Variants in CA10 observed in about 807,000 individuals in gnomAD.
CA10 encodes the protein carbonic anhydrase-related protein 10.
A neutral mutation model predicts 44.2 loss-of-function variants in CA10; 14 were observed. The observed-to-expected ratio is 0.32, with a 90% CI of 0.21 to 0.50. The LOEUF (loss-of-function observed/expected upper bound fraction) is 0.50. Ranked by LOEUF, CA10 falls within the 20% of genes least tolerant of loss-of-function variation. The probability of loss-of-function intolerance (pLI) is 0.99; values close to 1 mark genes in which losing one functional copy is unlikely to be tolerated. For missense variants in CA10, 350 were observed against 409.7 expected (o/e 0.85, Z 1.26); for synonymous variants, 159 against 141.6 (o/e 1.12, Z -0.87).
At chr17:52,050,197 C>T (rs1430174573) in intron 2 of CA10, among the ~76,000 whole-genome samples, 3 of 152,052 alleles carry the variant, frequency 2.0e-5, no homozygotes, top group Non-Finnish European at 4.4e-5. Context: ...GACAATGGCA[C>T]CATCATTCAT....
intron 1 of CA10, among the ~76,000 whole-genome samples, chr17:52,125,611 A>T (rs891293735): frequency 6.6e-6 from 1 of 152,108 alleles, no homozygotes; most frequent in Non-Finnish European, 1.5e-5. Flanking sequence ...TGTCCAAATC[A>T]TTCTTCGGTC....
intron 2 of CA10, among the ~76,000 whole-genome samples, chr17:52,049,770 G>A (rs1987007386): frequency 6.6e-6 from 1 of 152,082 alleles, no homozygotes; most frequent in South Asian, 2.1e-4. Context: ...AAATTAGCAT[G>A]ACTAAAACAG....
intron 6 of CA10, among the ~76,000 whole-genome samples, chr17:51,646,693 T>C (rs2143258249): frequency 6.6e-6 from 1 of 152,318 alleles, no homozygotes; most frequent in South Asian, 2.1e-4. Flanking sequence ...GAATGACTCC[T>C]ACTCCAGACT....
At chr17:51,879,514 ATAT>A (rs1980265131) in intron 3 of CA10, among the ~76,000 whole-genome samples, 1 of 152,176 alleles carries the variant, frequency 6.6e-6, no homozygotes, top group African/African-American at 2.4e-5. Flanking sequence ...AGACTTCTCA[ATAT>A]TATTAAGATG....
intron 1 of CA10, among the ~76,000 whole-genome samples, chr17:52,121,261 C>G (rs1203585056): frequency 6.6e-6 from 1 of 152,192 alleles, no homozygotes; most frequent in Non-Finnish European, 1.5e-5. Flanking sequence ...TTCACCTTCT[C>G]TGCCTCATCT....
At chr17:52,059,621 T>A (rs1446253576) in intron 2 of CA10, among the ~76,000 whole-genome samples, 1 of 151,734 alleles carries the variant, frequency 6.6e-6, no homozygotes, top group African/African-American at 2.4e-5. Context: ...TGTATACATA[T>A]GTATCAAAAC....
chr17:51,885,347 G>T (rs1157778178), intron 3 of CA10, among the ~76,000 whole-genome samples: 2 of 152,208 alleles, frequency 1.3e-5, no homozygotes, highest in South Asian at 2.1e-4. Context: ...GACAAACTGG[G>T]CCTCACTGAA....
At chr17:51,931,261 C>A (rs1982647913) in intron 2 of CA10, 129 bp from the exon 3 acceptor site, 6 of 838,648 alleles carry the variant, frequency 7.2e-6, no homozygotes, top group Non-Finnish European at 1.1e-5. Context: ...CATGGAGATC[C>A]TTGGGGGTTG....
intron 4 of CA10, among the ~76,000 whole-genome samples, chr17:51,733,506 A>G (rs1053953177): frequency 1.3e-5 from 2 of 152,188 alleles, no homozygotes; most frequent in African/African-American, 4.8e-5. Flanking sequence ...TAAGGGGGAA[A>G]TATCACCCTC....
At chr17:52,107,033 T>C (rs11651600) in intron 1 of CA10, among the ~76,000 whole-genome samples, 2 of 152,326 alleles carry the variant, frequency 1.3e-5, no homozygotes, top group East Asian at 1.9e-4. Context: ...CTGAAAGATC[T>C]TTCGATTCCA....
chr17:52,062,237 TG>T (rs1449923788), intron 2 of CA10, among the ~76,000 whole-genome samples: 1 of 151,878 alleles, frequency 6.6e-6, no homozygotes, highest in African/African-American at 2.4e-5. Flanking sequence ...CTGGCTAAGG[TG>T]TGGCTACTTT....
intron 4 of CA10, among the ~76,000 whole-genome samples, chr17:51,666,093 A>G (rs936221717): frequency 6.6e-6 from 1 of 152,254 alleles, no homozygotes; most frequent in Non-Finnish European, 1.5e-5. Context: ...ACAAAACAAA[A>G]TATCTCAAAC....
At chr17:51,938,435 A>T (rs191420477) in intron 2 of CA10, among the ~76,000 whole-genome samples, 1 of 152,178 alleles carries the variant, frequency 6.6e-6, no homozygotes, top group East Asian at 1.9e-4. Context: ...GGGCACTCTG[A>T]TGGGAGTCTA....
intron 1 of CA10, among the ~76,000 whole-genome samples, chr17:52,095,972 A>G (rs1482230391): frequency 6.6e-6 from 1 of 152,178 alleles, no homozygotes; most frequent in Non-Finnish European, 1.5e-5. Flanking sequence ...GCTTGAGTCT[A>G]GATGTCCTTT....
At chr17:52,019,267 CAT>C (rs1321959803) in intron 2 of CA10, among the ~76,000 whole-genome samples, 1 of 152,096 alleles carries the variant, frequency 6.6e-6, no homozygotes, top group African/African-American at 2.4e-5. Flanking sequence ...TAAAGAGTCT[CAT>C]TGCCATTATT....
intron 3 of CA10, among the ~76,000 whole-genome samples, chr17:51,873,472 G>A (rs540039872): frequency 1.5e-4 from 23 of 152,228 alleles, no homozygotes; most frequent in African/African-American, 4.8e-4. Flanking sequence ...GGACCTGGGA[G>A]GCAAAAAACT....
At chr17:51,848,839 G>A (rs1439160453) in intron 3 of CA10, among the ~76,000 whole-genome samples, 1 of 152,032 alleles carries the variant, frequency 6.6e-6, no homozygotes, top group Non-Finnish European at 1.5e-5. Flanking sequence ...TTGAGTCCAG[G>A]AGTTCTTGAC....
In CA10 at chr17:51,812,253, A is replaced by G. The variant is rs75441575; in HGVS notation, c.280-64435T>C. Reference sequence around the variant, plus strand: ...AACTTATAATTGAAGACATTTAAAGATATTAAAAACAACGGTAATACGTTT... The same window carrying G: ...AACTTATAATTGAAGACATTTAAAGGTATTAAAAACAACGGTAATACGTTT... On this transcript the variant is annotated intron_variant, in intron 3 of 8. Transcript: ENST00000451037. Among the ~76,000 whole-genome samples the G allele has an allele frequency of 5.4e-3, 818 of 152,322 alleles. 1 individual carries two copies. The highest frequency in any genetic ancestry group is 8.6e-3 in the Non-Finnish European group (585 of 68,020).
In CA10 at chr17:51,885,389, A is replaced by C. The variant is rs186162925; in HGVS notation, c.279+45601T>G. On this transcript the variant is annotated intron_variant, in intron 3 of 8. Transcript: ENST00000451037. ...ACCCTTAGCTTTCATCACTTCCCTC[A>C]GTATCTCCTGTTTCTACTAAGGTGA... 1.2e-4 allele frequency among the ~76,000 whole-genome samples: 19 copies of C among 152,290 alleles called. No homozygotes were observed. The East Asian group carries it at 2.9e-3, about 23-fold the overall frequency.
Sources: allele counts gnomAD v4.1 joint callset (sites outside exome capture counted in the v4.1 genomes callset), GRCh38; gene constraint gnomAD v4.1.1; transcripts MANE v1.5; gene names NCBI Gene and HGNC (gene_info 2026-07-23, HGNC 2026-07-21).